DENND1B: variants seen among roughly 807,000 people sequenced by gnomAD.
DENND1B encodes the protein DENN domain-containing protein 1B.
DENND1B carries 59 observed loss-of-function variants against 90.1 expected under a neutral mutation model. That is an observed-to-expected ratio of 0.65 (90% CI 0.53 to 0.81). DENND1B has a LOEUF of 0.81. Among genes scored for constraint, DENND1B ranks in the 40% least tolerant of loss-of-function variants. The pLI is 0.00. For synonymous variants in DENND1B, 337 were observed against 324.6 expected (o/e 1.04, Z -0.41); for missense variants, 862 against 912.6 (o/e 0.94, Z 0.71).
chr1:197,596,207 C>T (rs12116519), intron 13 of DENND1B, among the ~76,000 whole-genome samples: 23,834 of 151,896 alleles, frequency 0.16, 2,146 homozygotes, highest in Non-Finnish European at 0.2. Flanking sequence ...ATTTTTCATA[C>T]ATTTTTCTAT....
rs543611179 is a variant in DENND1B at position 197,725,015 on chromosome 1, T to A, written c.83-9941A>T. Among the ~76,000 whole-genome samples the A allele has an allele frequency of 2.0e-5, 3 of 152,098 alleles. No individual in the cohort carries two copies. In the East Asian group the frequency reaches 5.8e-4, roughly 29 times the overall value. On this transcript the variant is annotated intron_variant, in intron 2 of 22. Coordinates refer to ENST00000620048, the MANE Select transcript of DENND1B (RefSeq NM_001195215.2). ...AATTTCTAAAAGATCAGACCAAAGATACCAGACTGTGTATAATGGAAGAGG... is the reference window on the plus strand; with the variant it reads ...AATTTCTAAAAGATCAGACCAAAGAAACCAGACTGTGTATAATGGAAGAGG...
In DENND1B at chr1:197,580,899, G is replaced by T. The variant is rs574431461; in HGVS notation, c.1149+2253C>A. On this transcript the variant is annotated intron_variant, in intron 15 of 22. Coordinates refer to ENST00000620048, the MANE Select transcript of DENND1B (RefSeq NM_001195215.2). The stretch of plus-strand genomic sequence containing the variant: ...ACATAAGGAGTTCTTTAAATATTAC[G>T]TTTTAAATTGTAGTATGTAGGTTAT... Among the ~76,000 whole-genome samples, 4 of 152,096 alleles carry T rather than the reference G, an allele frequency of 2.6e-5. No homozygotes were observed. In the South Asian group the frequency reaches 6.2e-4, roughly 24 times the overall value.
At chr1:197,656,939 G>A (rs866650264) in intron 6 of DENND1B, among the ~76,000 whole-genome samples, 65 of 152,120 alleles carry the variant, frequency 4.3e-4, no homozygotes, top group African/African-American at 1.4e-3. Context: ...GACTTTTATT[G>A]AGAGCTAAAA....
chr1:197,566,483 C>T lies in DENND1B; in HGVS notation c.1150-13371G>A, dbSNP rs570713813. Reference sequence around the variant, plus strand: ...AGAACAGAGCCCTCAGAAATAATGCCGCATATCTACAACTCCTATAATTTT... The same window carrying T: ...AGAACAGAGCCCTCAGAAATAATGCTGCATATCTACAACTCCTATAATTTT... On this transcript the variant is annotated intron_variant, in intron 15 of 22. Coordinates refer to ENST00000620048, the MANE Select transcript of DENND1B (RefSeq NM_001195215.2). 9.9e-4 allele frequency among the ~76,000 whole-genome samples: 150 copies of T among 151,996 alleles called. 1 individual carries two copies. In the South Asian group the frequency reaches 0.013, roughly 13 times the overall value.
chr1:197,544,955 G>GGAGGA (rs1558222461), intron 18 of DENND1B, among the ~76,000 whole-genome samples: 1 of 54,298 alleles, frequency 1.8e-5, no homozygotes, highest in Non-Finnish European at 3.9e-5. Flanking sequence ...GAAGAGAGAA[G>GGAGGA]GGAGAAGGAG....
intron 5 of DENND1B, among the ~76,000 whole-genome samples, chr1:197,669,629 G>A (rs1381016413): frequency 4.0e-5 from 6 of 151,890 alleles, no homozygotes; most frequent in Non-Finnish European, 7.4e-5. Flanking sequence ...ATTAAGATAT[G>A]CCATTAAAAT....
chr1:197,748,617 G>A (rs1383323001), intron 2 of DENND1B, among the ~76,000 whole-genome samples: 1 of 152,134 alleles, frequency 6.6e-6, no homozygotes, highest in African/African-American at 2.4e-5. Flanking sequence ...CGGCTATTGT[G>A]GGCTTTGAAG....
chr1:197,676,009 G>GTCTTTAAACCTCCGCAC (rs1656026925), intron 3 of DENND1B, among the ~76,000 whole-genome samples: 1 of 135,372 alleles, frequency 7.4e-6, no homozygotes, highest in South Asian at 2.5e-4. Context: ...CAGGGGACAA[G>GTCTTTAAACCTCCGCAC]TCTTTAAACC....
At chr1:197,657,847 G>A (rs1654004394) in intron 6 of DENND1B, among the ~76,000 whole-genome samples, 1 of 152,148 alleles carries the variant, frequency 6.6e-6, no homozygotes, top group Non-Finnish European at 1.5e-5. Flanking sequence ...AGTAGAGGAA[G>A]CACCCCCAGT....
intron 16 of DENND1B, chr1:197,552,405 C>T: frequency 5.1e-6 from 5 of 985,356 alleles, no homozygotes; most frequent in African/African-American, 3.5e-5. Context: ...CCACTACAAT[C>T]GTGCAAAAAT....
At chr1:197,715,672 A>T (rs1233668696) in intron 2 of DENND1B, among the ~76,000 whole-genome samples, 2 of 151,846 alleles carry the variant, frequency 1.3e-5, no homozygotes, top group African/African-American at 4.8e-5. Context: ...AGGGCATTTC[A>T]CAGAAATTTT....
At chr1:197,730,800 C>G (rs1268680291) in intron 2 of DENND1B, among the ~76,000 whole-genome samples, 1 of 151,688 alleles carries the variant, frequency 6.6e-6, no homozygotes, top group Non-Finnish European at 1.5e-5. Context: ...AAACCTGTTT[C>G]CTTGACCTTA....
chr1:197,532,253 A>G (rs1463323922), intron 20 of DENND1B, among the ~76,000 whole-genome samples: 1 of 9,674 alleles, frequency 1.0e-4, no homozygotes, highest in African/African-American at 1.1e-4. Context: ...TGAATAGACC[A>G]ATAACAGGCT....
chr1:197,639,594 CT>C (rs367648006), intron 10 of DENND1B, among the ~76,000 whole-genome samples: 2 of 152,120 alleles, frequency 1.3e-5, no homozygotes, highest in East Asian at 3.9e-4. Flanking sequence ...ATATATTCCT[CT>C]AAAAATTAAG....
chr1:197,705,648 T>TAA (rs35856931), intron 3 of DENND1B, among the ~76,000 whole-genome samples: 3 of 140,874 alleles, frequency 2.1e-5, no homozygotes, highest in South Asian at 2.2e-4. Context: ...GGTAGAAATT[T>TAA]AAAAAAAAAA....
At position 197,506,096 on chromosome 1, in the gene DENND1B, A is replaced by T. The variant is rs1667717044; in HGVS notation, c.*4364T>A. ...CTGAAATCAATGAGAACATTGCTAC[A>T]TACAGATTTACTCAAATACTGAAAA... On this transcript the variant is annotated 3_prime_UTR_variant, in exon 23 of 23. Transcript: ENST00000620048. The T allele has an allele frequency of 6.6e-6, 1 of 151,708 alleles. No individual in the cohort carries two copies. Among genetic ancestry groups the T allele is most frequent in the Non-Finnish European group, 1.5e-5 (1 of 67,712 alleles). The allele number at this position is 151,708 out of a possible 1,614,324, so 9.4% of individuals were successfully genotyped here.
At chr1:197,553,929 G>A (rs1342207434) in intron 15 of DENND1B, among the ~76,000 whole-genome samples, 2 of 152,020 alleles carry the variant, frequency 1.3e-5, no homozygotes, top group East Asian at 1.9e-4. Context: ...GATCTTTTTC[G>A]AAGTGCAGAA....
At chr1:197,613,483 TCA>T (rs1290059732) in intron 11 of DENND1B, among the ~76,000 whole-genome samples, 1 of 150,686 alleles carries the variant, frequency 6.6e-6, no homozygotes, top group Non-Finnish European at 1.5e-5. Context: ...TCTGGATACT[TCA>T]CTTGGCTGAA....
chr1:197,623,720 C>T (rs1406864481), intron 10 of DENND1B, among the ~76,000 whole-genome samples: 5 of 151,470 alleles, frequency 3.3e-5, no homozygotes, highest in Non-Finnish European at 5.9e-5. Flanking sequence ...TACATTGTTA[C>T]AGTCAATGAA....
Sources: allele counts gnomAD v4.1 joint callset (sites outside exome capture counted in the v4.1 genomes callset), GRCh38; gene constraint gnomAD v4.1.1; transcripts MANE v1.5; gene names NCBI Gene and HGNC (gene_info 2026-07-23, HGNC 2026-07-21).